The following MERTK variants were observed in gnomAD, a reference collection of about 807,000 sequenced individuals.
MERTK encodes the protein MER proto-oncogene, tyrosine kinase, also known as tyrosine-protein kinase Mer.
A neutral mutation model predicts 99.3 loss-of-function variants in MERTK; 69 were observed. That is an observed-to-expected ratio of 0.70 (90% CI 0.57 to 0.85). The LOEUF (loss-of-function observed/expected upper bound fraction) is 0.85, where lower values mean the gene tolerates loss of function less well. MERTK is among the 40% of genes least tolerant of loss of function. The pLI, the probability that MERTK is intolerant of heterozygous loss-of-function variation, is 0.00. For synonymous variants in MERTK, 426 were observed against 467.6 expected (o/e 0.91, Z 1.15); for missense variants, 1,125 against 1,249.4 (o/e 0.90, Z 1.50).
rs184708592 is a variant in MERTK at position 111,954,479 on chromosome 2, G to A, written c.757+6912G>A. Among the ~76,000 whole-genome samples, 248 of 152,250 alleles carry A rather than the reference G, an allele frequency of 1.6e-3. 2 individuals are homozygous for A. Among genetic ancestry groups the A allele is most frequent in the Non-Finnish European group, 3.5e-4 (24 of 68,014 alleles). On this transcript the variant is annotated intron_variant, in intron 4 of 18. Transcript: ENST00000295408. ...AGTGATTATTATGTATGATTTATTA[G>A]TTAGGTTAGCCCCATCACCCAGCAC...
intron 1 of MERTK, 92 bp downstream of exon 1, chr2:111,898,888 C>G: frequency 7.5e-7 from 1 of 1,335,428 alleles, no homozygotes; most frequent in South Asian, 1.4e-5. Context: ...CACAGGGGCG[C>G]GCCTGGCTGC....
At chr2:112,004,153 A>C (rs1676932777) in intron 13 of MERTK, among the ~76,000 whole-genome samples, 169 bp downstream of exon 13, 1 of 152,178 alleles carries the variant, frequency 6.6e-6, no homozygotes, top group Non-Finnish European at 1.5e-5. Flanking sequence ...TGCATGCATT[A>C]CATATTCTTT....
intron 6 of MERTK, among the ~76,000 whole-genome samples, chr2:111,968,907 G>C (rs1194635264): frequency 6.6e-6 from 1 of 152,198 alleles, no homozygotes; most frequent in Non-Finnish European, 1.5e-5. Flanking sequence ...GCACTCCCCA[G>C]TGTGGCTCCT....
intron 8 of MERTK, among the ~76,000 whole-genome samples, chr2:111,985,192 C>A (rs1676451009): frequency 6.6e-6 from 1 of 152,166 alleles, no homozygotes; most frequent in African/African-American, 2.4e-5. Flanking sequence ...CCAGTCAAAC[C>A]CAGAGGGACA....
In MERTK at chr2:112,010,077, C is replaced by T; in HGVS notation, c.2079+11C>T. ...GAGACAGGACCAAAGGTAATGATCT[C>T]CTTGTGTTACCCCTGAACACTTCTC... On this transcript the variant is annotated intron_variant, in intron 15 of 18. Coordinates refer to ENST00000295408, the MANE Select transcript of MERTK (RefSeq NM_006343.3). 2 of 1,557,700 alleles carry T rather than the reference C, an allele frequency of 1.3e-6. No homozygotes were observed. The highest frequency in any genetic ancestry group is 1.8e-6 in the Non-Finnish European group (2 of 1,129,040).
intron 13 of MERTK, 41 bp downstream of exon 13, chr2:112,004,025 A>G: frequency 6.5e-7 from 1 of 1,531,726 alleles, no homozygotes; most frequent in East Asian, 2.3e-5. Context: ...TAGGGTGGGC[A>G]GTTGCTTCAG....
chr2:111,946,402 A>G (rs1684963035), intron 3 of MERTK, among the ~76,000 whole-genome samples: 1 of 152,214 alleles, frequency 6.6e-6, no homozygotes, highest in African/African-American at 2.4e-5. Context: ...TGCTGGAACC[A>G]GATCTGTGAG....
rs1413149167 is a variant in MERTK, at chr2:112,003,011, A to G, written c.1691-81A>G. 4 of 753,276 alleles carry G rather than the reference A, an allele frequency of 5.3e-6. No homozygotes were observed. In the African/African-American group the frequency reaches 6.9e-5, roughly 13 times the overall value. 46.7% of individuals were successfully genotyped at this position (753,276 alleles called of 1,614,324 possible). ...ATAAATAAGGAATGTTTTATTATAC[A>G]GGACTTTATTTCATTTTAATTATCA... On this transcript the variant is annotated intron_variant, in intron 11 of 18. Coordinates refer to ENST00000295408, the MANE Select transcript of MERTK (RefSeq NM_006343.3).
In MERTK at chr2:111,929,316, C is replaced by G. The variant is rs766157024; in HGVS notation, c.258C>G (p.Val86=). ...TAGCCATTCCCCAGGTGACCTCTGTCGAATCAAAGCCCCTACCGCCTCTTG... is the reference window on the plus strand; with the variant it reads ...TAGCCATTCCCCAGGTGACCTCTGTGGAATCAAAGCCCCTACCGCCTCTTG... ...GNVAIPQVTS[V]ESKPLPPLAF... Residue 86 remains valine (V), a synonymous_variant, in exon 2 of 19, where the codon GTC becomes GTG. Coordinates refer to ENST00000295408, the MANE Select transcript of MERTK (RefSeq NM_006343.3). 15 of 1,614,132 alleles carry G rather than the reference C, an allele frequency of 9.3e-6. 1 individual carries two copies. Among genetic ancestry groups the G allele is most frequent in the Admixed American group, 3.3e-5 (2 of 60,014 alleles).
intron 1 of MERTK, among the ~76,000 whole-genome samples, chr2:111,926,530 C>T (rs2104683538): frequency 6.7e-6 from 1 of 149,262 alleles, no homozygotes; most frequent in Admixed American, 6.7e-5. Context: ...AGATGAAGAC[C>T]ATCCTGGCTA....
rs145142422 is a variant in MERTK at position 111,994,390 on chromosome 2, T to G, written c.1436T>G (p.Phe479Cys). The G allele has an allele frequency of 6.2e-7, 1 of 1,614,116 alleles. No individual in the cohort carries two copies. The highest frequency in any genetic ancestry group is 1.7e-5 in the Admixed American group (1 of 60,026). ...VGPFSDPVKI[F>C]IPAHGWVDYA... ...CCCTTCAGTGATCCAGTGAAAATATTTATCCCTGCACACGGTGAGAGCTAT... is the reference window on the plus strand; with the variant it reads ...CCCTTCAGTGATCCAGTGAAAATATGTATCCCTGCACACGGTGAGAGCTAT... Residue 479 changes from phenylalanine (F) to cysteine (C), a missense_variant, in exon 9 of 19, where the codon TTT becomes TGT. Physicochemically the swap from Phe to Cys is radical, Grantham distance 205. Transcript: ENST00000295408.
Position 111,965,229 on chromosome 2 carries a change from A to G in MERTK, c.796A>G (p.Asn266Asp). Residue 266 changes from asparagine to aspartate, a missense_variant, in exon 5 of 19, where the codon AAT becomes GAT. Asn to Asp is a conservative substitution (Grantham distance 23). Transcript: ENST00000295408. ...GGCGGTCTTCAGTTGTGAGGCCCAC[A>G]ATGACAAAGGGCTGACCGTGTCCAA... ...EMAVFSCEAH[N>D]DKGLTVSKGV... The G allele has an allele frequency of 6.2e-7, 1 of 1,614,218 alleles. No individual in the cohort carries two copies. Among genetic ancestry groups the G allele is most frequent in the Non-Finnish European group, 8.5e-7 (1 of 1,180,036 alleles).
At chr2:111,975,201 G>A (rs559250961) in intron 6 of MERTK, 88 bp from the exon 7 acceptor site, 36 of 1,288,904 alleles carry the variant, frequency 2.8e-5, no homozygotes, top group Middle Eastern at 1.8e-4. Flanking sequence ...TAGAGGAAGG[G>A]CCACGTGCAC....
rs113080711 is a variant in MERTK, at chr2:111,912,169, AT to A, written c.61+13384del. On this transcript the variant is annotated intron_variant, in intron 1 of 18. Transcript: ENST00000295408. The stretch of plus-strand genomic sequence containing the variant: ...AGGTGCCCACCACCATGCCCAGCTA[AT>A]TTTTTTTTTTGTATTTTTAGTAGAG... Among the ~76,000 whole-genome samples, 37 of 146,544 alleles carry A rather than the reference AT, an allele frequency of 2.5e-4. No homozygotes were observed. The Middle Eastern group carries it at 0.011, about 42-fold the overall frequency.
At chr2:111,968,287 T>G in intron 6 of MERTK, 35 bp downstream of exon 6, 1 of 1,528,182 alleles carries the variant, frequency 6.5e-7, no homozygotes, top group South Asian at 1.1e-5. Flanking sequence ...AGTAGCTGTT[T>G]GGTGCTCTCT....
At position 112,029,026 on chromosome 2, in the gene MERTK, A is replaced by G; in HGVS notation, c.*162A>G. ...TTAAGTAAGCTGTCATTAAAAATAC[A>G]TAATATATATTTATTTAAAGAGAAA... On this transcript the variant is annotated 3_prime_UTR_variant, in exon 19 of 19. Transcript: ENST00000295408. 1 of 1,441,068 alleles carries G rather than the reference A, an allele frequency of 6.9e-7. No homozygotes were observed. Among genetic ancestry groups the G allele is most frequent in the African/African-American group, 1.4e-5 (1 of 69,844 alleles). The allele number at this position is 1,441,068 out of a possible 1,614,324, so 89.3% of individuals were successfully genotyped here. A position where few individuals can be genotyped will look rare whatever the true frequency, so the allele number is the denominator to read the frequency against.
At chr2:111,997,600 A>G (rs1676776724) in intron 10 of MERTK, 124 bp downstream of exon 10, 10 of 1,158,824 alleles carry the variant, frequency 8.6e-6, no homozygotes, top group Admixed American at 1.9e-5. Flanking sequence ...TGCCTTATGC[A>G]TACCCTGGGC....
At chr2:111,936,837 A>T (rs1684773139) in intron 2 of MERTK, among the ~76,000 whole-genome samples, 1 of 152,214 alleles carries the variant, frequency 6.6e-6, no homozygotes, top group South Asian at 2.1e-4. Flanking sequence ...GTCTCCAAAG[A>T]AGGGTGTAAT....
intron 4 of MERTK, among the ~76,000 whole-genome samples, chr2:111,953,854 C>T (rs915179606): frequency 2.6e-5 from 4 of 152,190 alleles, no homozygotes; most frequent in South Asian, 2.1e-4. Flanking sequence ...GGACTACAGG[C>T]GTGAGCCACT....
Sources: gnomAD v4.1 joint callset for allele counts (sites outside exome capture counted in the v4.1 genomes callset) on GRCh38, gnomAD v4.1.1 for gene constraint, MANE v1.5 for transcripts, NCBI Gene and HGNC (gene_info 2026-07-23, HGNC 2026-07-21) for gene names.